Variants in VPS13D observed in about 807,000 individuals in gnomAD.
VPS13D encodes vacuolar protein sorting 13 homolog D.
Under a neutral mutation model 461.9 loss-of-function variants are expected in VPS13D, and 187 were observed. The observed-to-expected ratio is 0.40, with a 90% CI of 0.36 to 0.46. The LOEUF is 0.46. VPS13D is among the 20% of genes least tolerant of loss of function. The pLI, the probability that VPS13D is intolerant of heterozygous loss-of-function variation, is 0.60. For synonymous variants in VPS13D, 1,951 were observed against 1,986.3 expected, an observed-to-expected ratio of 0.98 and a Z score of 0.47; for missense variants, 4,711 against 5,364.9, an observed-to-expected ratio of 0.88 and a Z score of 3.81.
intron 66 of VPS13D, among the ~76,000 whole-genome samples, chr1:12,456,586 T>C (rs1424609003): frequency 2.2e-5 from 3 of 134,688 alleles, no homozygotes; most frequent in African/African-American, 8.7e-5. Flanking sequence ...TGCAATGAGC[T>C]GAGATCGTGC....
chr1:12,385,269 T>C lies in VPS13D; in HGVS notation c.11380T>C (p.Phe3794Leu). 1 of 1,613,540 alleles carries C rather than the reference T, an allele frequency of 6.2e-7. No homozygotes were observed. Reference sequence around the variant, plus strand: ...TTTTATTTGACTTCAGATAACAGATTTCTGCCACCGGAAAAGCAGCCGTTC... The same window carrying C: ...TTTTATTTGACTTCAGATAACAGATCTCTGCCACCGGAAAAGCAGCCGTTC... ...GPTRALQITD[F>L]CHRKSSRSYE... Residue 3794 changes from phenylalanine to leucine, a missense_variant, in exon 59 of 70, where the codon TTC becomes CTC. Physicochemically the swap from Phe to Leu is conservative, Grantham distance 22. Transcript: ENST00000620676.
At chr1:12,424,047 T>C (rs913523892) in intron 65 of VPS13D, among the ~76,000 whole-genome samples, 2 of 152,232 alleles carry the variant, frequency 1.3e-5, no homozygotes, top group Non-Finnish European at 2.9e-5. Context: ...ATCCCCATAA[T>C]AGCTTTTCCA....
At chr1:12,367,741 G>C (rs1644057947) in intron 52 of VPS13D, 1 of 151,778 alleles carries the variant, frequency 6.6e-6, no homozygotes, top group Non-Finnish European at 1.5e-5. Context: ...TGAGTAGCTG[G>C]GACTACAGCT....
At chr1:12,353,802 C>T (rs1231435928) in intron 46 of VPS13D, among the ~76,000 whole-genome samples, 172 bp from the exon 47 acceptor site, 2 of 151,964 alleles carry the variant, frequency 1.3e-5, no homozygotes, top group Non-Finnish European at 2.9e-5. Context: ...CATTTAAAAT[C>T]TATACATATT....
At chr1:12,378,218 G>C (rs1383658488) in intron 55 of VPS13D, among the ~76,000 whole-genome samples, 1 of 152,136 alleles carries the variant, frequency 6.6e-6, no homozygotes, top group Non-Finnish European at 1.5e-5. Context: ...TTGGTTGTTT[G>C]GTTCAAGAGG....
intron 40 of VPS13D, among the ~76,000 whole-genome samples, chr1:12,341,210 T>C (rs548483700): frequency 2.4e-4 from 36 of 152,220 alleles, no homozygotes; most frequent in Non-Finnish European, 4.9e-4. Flanking sequence ...GTTTAAAAAA[T>C]GGGCTAACAA....
At chr1:12,362,312 G>A (rs569919550) in intron 50 of VPS13D, among the ~76,000 whole-genome samples, 39 of 152,338 alleles carry the variant, frequency 2.6e-4, no homozygotes, top group African/African-American at 8.2e-4. Context: ...CTGTAAAAGT[G>A]GCAGGTTCTC....
intron 56 of VPS13D, among the ~76,000 whole-genome samples, chr1:12,379,019 T>C (rs543777203): frequency 6.6e-6 from 1 of 152,378 alleles, no homozygotes; most frequent in East Asian, 1.9e-4. Context: ...TTGAATAAGT[T>C]ACTTGATTTG....
At chr1:12,370,501 C>T (rs1397976595) in intron 54 of VPS13D, among the ~76,000 whole-genome samples, 6 of 152,128 alleles carry the variant, frequency 3.9e-5, no homozygotes, top group Admixed American at 3.9e-4. Context: ...TTATACATGC[C>T]TGGGGCCCAG....
intron 67 of VPS13D, among the ~76,000 whole-genome samples, chr1:12,492,101 T>C (rs1462749894): frequency 2.0e-5 from 3 of 152,224 alleles, no homozygotes; most frequent in African/African-American, 7.2e-5. Context: ...ATCAAGACCC[T>C]GCCCAAGTAG....
intron 26 of VPS13D, among the ~76,000 whole-genome samples, chr1:12,306,227 G>A (rs1489539010): frequency 3.3e-5 from 5 of 152,092 alleles, no homozygotes; most frequent in South Asian, 2.1e-4. Context: ...CTCGTGATCC[G>A]CCCCGATTTC....
At chr1:12,358,028 C>T (rs1318470923) in intron 49 of VPS13D, among the ~76,000 whole-genome samples, 1 of 151,866 alleles carries the variant, frequency 6.6e-6, no homozygotes, top group Non-Finnish European at 1.5e-5. Flanking sequence ...AAGTATCAGC[C>T]CTTAGAAGTA....
intron 42 of VPS13D, among the ~76,000 whole-genome samples, chr1:12,343,842 T>C (rs1643620268): frequency 6.6e-6 from 1 of 152,270 alleles, no homozygotes; most frequent in African/African-American, 2.4e-5. Context: ...CTGATTTTCA[T>C]GATGGATTGG....
At chr1:12,450,319 G>T (rs1475478741) in intron 65 of VPS13D, among the ~76,000 whole-genome samples, 1 of 152,102 alleles carries the variant, frequency 6.6e-6, no homozygotes, top group Non-Finnish European at 1.5e-5. Flanking sequence ...CTTACTTAGA[G>T]GCACAATAGA....
At chr1:12,312,924 G>C (rs905257300) in intron 29 of VPS13D, among the ~76,000 whole-genome samples, 1 of 152,180 alleles carries the variant, frequency 6.6e-6, no homozygotes, top group South Asian at 2.1e-4. Flanking sequence ...CTAGTCCTTC[G>C]CTTATTTCTG....
At chr1:12,463,839 A>C (rs932976392) in intron 67 of VPS13D, among the ~76,000 whole-genome samples, 14 of 152,200 alleles carry the variant, frequency 9.2e-5, no homozygotes, top group Admixed American at 9.2e-4. Context: ...GGGTCAAGTC[A>C]AGACATCTAT....
At chr1:12,448,336 G>A (rs1277681591) in intron 65 of VPS13D, among the ~76,000 whole-genome samples, 1 of 152,140 alleles carries the variant, frequency 6.6e-6, no homozygotes, top group Non-Finnish European at 1.5e-5. Flanking sequence ...CAGTACTGAG[G>A]CACAAGCTAT....
chr1:12,484,986 G>A (rs765001343), intron 67 of VPS13D, among the ~76,000 whole-genome samples: 2 of 152,306 alleles, frequency 1.3e-5, no homozygotes, highest in African/African-American at 4.8e-5. Flanking sequence ...GTGTGTGTGT[G>A]TGTGTCTTTG....
intron 65 of VPS13D, among the ~76,000 whole-genome samples, chr1:12,427,851 C>A (rs999745537): frequency 5.9e-5 from 9 of 152,092 alleles, no homozygotes; most frequent in African/African-American, 2.2e-4. Flanking sequence ...TGTCTGTGAG[C>A]CTTGTTAGCC....
Sources: gnomAD v4.1 joint callset for allele counts (sites outside exome capture counted in the v4.1 genomes callset) on GRCh38, gnomAD v4.1.1 for gene constraint, MANE v1.5 for transcripts, NCBI Gene and HGNC (gene_info 2026-07-23, HGNC 2026-07-21) for gene names.